Variants in RAB33A observed in about 807,000 individuals in gnomAD.
RAB33A encodes RAB33A, member RAS oncogene family, also known as ras-related protein Rab-33A.
In RAB33A, 6 loss-of-function variants were observed where a neutral mutation model predicts 12.0. The ratio of observed to expected loss-of-function variants is 0.50; its 90% CI spans 0.27 to 0.99. The LOEUF (loss-of-function observed/expected upper bound fraction) is 0.99, where lower values mean the gene tolerates loss of function less well. RAB33A is among the 50% of genes least tolerant of loss of function. The pLI is 0.11. For synonymous variants in RAB33A, 70 were observed against 82.4 expected, an observed-to-expected ratio of 0.85 and a Z score of 0.81; for missense variants, 109 against 192.0, an observed-to-expected ratio of 0.57 and a Z score of 2.55.
chrX:130,134,297 G>T, the RAB33A span, among the ~76,000 whole-genome samples: 1 of 110,314 alleles, frequency 9.1e-6, no homozygotes, highest in Non-Finnish European at 1.9e-5. Context: ...ATCTTCTATA[G>T]TTTTGTTTAC....
At chrX:130,113,081 T>C in the RAB33A span, among the ~76,000 whole-genome samples, 8 of 75,551 alleles carry the variant, frequency 1.1e-4, no homozygotes, top group Non-Finnish European at 1.5e-4. Context: ...TTCCTTCTTT[T>C]TTTTTTTTTT....
chrX:130,171,939 G>GAC (rs745752854), upstream of RAB33A: 132 of 833,872 alleles, frequency 1.6e-4, no homozygotes, highest in African/African-American at 4.4e-4. Context: ...CACACGGGCG[G>GAC]ACACACACAC....
At chrX:130,127,138 G>T in the RAB33A span, among the ~76,000 whole-genome samples, 3 of 111,441 alleles carry the variant, frequency 2.7e-5, no homozygotes, top group Admixed American at 1.9e-4. Flanking sequence ...CTTTGAACTT[G>T]ATGTGGTTGG....
chrX:130,134,474 A>G, the RAB33A span, among the ~76,000 whole-genome samples: 1 of 110,937 alleles, frequency 9.0e-6, no homozygotes, highest in Non-Finnish European at 1.9e-5. Flanking sequence ...TCATTCGACA[A>G]ATATTTATGG....
At chrX:130,111,937 G>T in the RAB33A span, among the ~76,000 whole-genome samples, 1 of 111,603 alleles carries the variant, frequency 9.0e-6, no homozygotes, top group African/African-American at 3.3e-5. Flanking sequence ...GGGGGTGGGG[G>T]CAGCAAGGCC....
At chrX:130,165,652 A>T in the RAB33A span, 6 of 1,194,205 alleles carry the variant, frequency 5.0e-6, no homozygotes, top group Non-Finnish European at 5.6e-6. Flanking sequence ...TCCACACCGG[A>T]ACATTTCGGC....
At chrX:130,131,931 G>A in the RAB33A span, 227 of 798,421 alleles carry the variant, frequency 2.8e-4, no homozygotes, top group East Asian at 6.7e-3. Context: ...GAGTGCAATG[G>A]GTGCGAACTC....
the RAB33A span, chrX:130,145,494 G>A: frequency 8.3e-7 from 1 of 1,209,647 alleles, no homozygotes; most frequent in Admixed American, 2.2e-5. Flanking sequence ...TCCCAGTGAG[G>A]ACAGCCACAC....
At chrX:130,123,976 A>T in the RAB33A span, among the ~76,000 whole-genome samples, 1 of 111,653 alleles carries the variant, frequency 9.0e-6, no homozygotes, top group South Asian at 3.7e-4. Flanking sequence ...GGCTCATGCC[A>T]GTAATCCCAG....
At chrX:130,131,459 C>A in the RAB33A span, among the ~76,000 whole-genome samples, 1 of 112,474 alleles carries the variant, frequency 8.9e-6, no homozygotes, top group Non-Finnish European at 1.9e-5. Context: ...CAGATACCCA[C>A]AATATTTGAA....
upstream of RAB33A, among the ~76,000 whole-genome samples, chrX:130,168,915 T>C (rs1173298617): frequency 2.7e-5 from 3 of 109,893 alleles, no homozygotes; most frequent in East Asian, 8.6e-4. Context: ...ATATTGAAAG[T>C]ATCAATTCCA....
At chrX:130,160,916 A>AAAT in the RAB33A span, among the ~76,000 whole-genome samples, 1 of 109,938 alleles carries the variant, frequency 9.1e-6, no homozygotes, top group Non-Finnish European at 1.9e-5. Flanking sequence ...ATAAATAAAT[A>AAAT]AAATGAAAAA....
the RAB33A span, among the ~76,000 whole-genome samples, chrX:130,116,269 G>A: frequency 1.8e-5 from 2 of 108,203 alleles, no homozygotes; most frequent in Admixed American, 1.0e-4. Context: ...ACAGACGCCT[G>A]CCACCACGTC....
intron 1 of RAB33A, among the ~76,000 whole-genome samples, chrX:130,182,181 T>TATAC (rs1317910199): frequency 3.9e-5 from 3 of 77,495 alleles, no homozygotes; most frequent in East Asian, 7.3e-4. Context: ...TATATATATA[T>TATAC]ACACATATAT....
chrX:130,149,993 G>T, the RAB33A span, among the ~76,000 whole-genome samples: 3 of 111,917 alleles, frequency 2.7e-5, no homozygotes, highest in African/African-American at 9.8e-5. Flanking sequence ...GTAGGAAGCT[G>T]GGACATAAGT....
the RAB33A span, among the ~76,000 whole-genome samples, chrX:130,110,935 G>A: frequency 1.1e-5 from 1 of 93,572 alleles, no homozygotes; most frequent in African/African-American, 3.9e-5. Context: ...TGGGGCGGGC[G>A]CGAAGGAGGC....
At chrX:130,152,746 A>G in the RAB33A span, among the ~76,000 whole-genome samples, 1 of 111,944 alleles carries the variant, frequency 8.9e-6, no homozygotes, top group Non-Finnish European at 1.9e-5. Context: ...AAACTCTCAC[A>G]TCAATGCGAA....
At chrX:130,133,453 T>C in the RAB33A span, 2 of 1,206,587 alleles carry the variant, frequency 1.7e-6, no homozygotes, top group Non-Finnish European at 2.2e-6. Context: ...CAGCATCTCC[T>C]GCCTGTGGAA....
the RAB33A span, among the ~76,000 whole-genome samples, chrX:130,161,637 T>C: frequency 2.0e-5 from 2 of 102,013 alleles, no homozygotes; most frequent in African/African-American, 3.6e-5. Context: ...AGACAGATTC[T>C]CGCTCTGTCG....
Sources: allele counts gnomAD v4.1 joint callset (sites outside exome capture counted in the v4.1 genomes callset), GRCh38; gene constraint gnomAD v4.1.1; transcripts MANE v1.5; gene names NCBI Gene and HGNC (gene_info 2026-07-23, HGNC 2026-07-21).